ANKRD11: variants seen among roughly 807,000 people sequenced by gnomAD.
The protein encoded by ANKRD11 is ankyrin repeat domain-containing protein 11.
Under a neutral mutation model 195.7 loss-of-function variants are expected in ANKRD11, and 17 were observed. That is an observed-to-expected ratio of 0.09 (90% CI 0.06 to 0.13). The LOEUF (loss-of-function observed/expected upper bound fraction) is 0.13, where lower values mean the gene tolerates loss of function less well. Among genes scored for constraint, ANKRD11 ranks in the 10% least tolerant of loss-of-function variants. The probability of loss-of-function intolerance (pLI) is 1.00; values close to 1 mark genes in which losing one functional copy is unlikely to be tolerated. For missense variants in ANKRD11, 3,735 were observed against 3,566.1 expected (o/e 1.05, Z -1.21); for synonymous variants, 1,953 against 1,528.1 (o/e 1.28, Z -6.49).
chr16:89,434,413 G>A (rs931522265), intron 1 of ANKRD11, among the ~76,000 whole-genome samples: 2 of 152,150 alleles, frequency 1.3e-5, no homozygotes, highest in Non-Finnish European at 2.9e-5. Context: ...ACGCAAGTCG[G>A]AAAGACCTAG....
Position 89,346,205 on chromosome 16 carries a change from G to A in ANKRD11, c.-59-29127C>T, listed in dbSNP as rs149196373. Among the ~76,000 whole-genome samples, 460 of 140,786 alleles carry A rather than the reference G, an allele frequency of 3.3e-3. 1 individual carries two copies. The highest frequency in any genetic ancestry group is 0.012 in the African/African-American group (443 of 37,302). 92.4% of individuals were successfully genotyped at this position (140,786 alleles called of 152,430 possible). A position where few individuals can be genotyped will look rare whatever the true frequency, so the allele number is the denominator to read the frequency against. On this transcript the variant is annotated intron_variant, in intron 2 of 12. Coordinates refer to ENST00000301030, the MANE Select transcript of ANKRD11 (RefSeq NM_013275.6). The stretch of plus-strand genomic sequence containing the variant: ...TGAGGTTGTAATGAGCCAAGATCAC[G>A]CCACGGCACTCCAGCCTGGGCGACA...
In ANKRD11 at chr16:89,284,245, T is replaced by C. The variant is rs1250219932; in HGVS notation, c.2297A>G (p.Lys766Arg). The C allele has an allele frequency of 6.2e-7, 1 of 1,613,618 alleles. No individual in the cohort carries two copies. Among genetic ancestry groups the C allele is most frequent in the South Asian group, 1.1e-5 (1 of 90,800 alleles). ...EKLRLYKEERKKKSKDRPSKL... is the reference protein window; with the variant it reads ...EKLRLYKEERRKKSKDRPSKL... ...TGAGGGCCGGTCTTTTGATTTCTTCTTTCTCTCCTCTTTGTACAGTCTCAG... is the reference window on the plus strand; with the variant it reads ...TGAGGGCCGGTCTTTTGATTTCTTCCTTCTCTCCTCTTTGTACAGTCTCAG... Residue 766 changes from lysine (K) to arginine (R), a missense_variant, in exon 9 of 13, where the codon AAG becomes AGG. Transcript: ENST00000301030.
chr16:89,346,552 T>C (rs2038952475), intron 2 of ANKRD11, among the ~76,000 whole-genome samples: 1 of 152,222 alleles, frequency 6.6e-6, no homozygotes, highest in Non-Finnish European at 1.5e-5. Context: ...AGAGTCACCT[T>C]CTGAAGTGAC....
intron 2 of ANKRD11, among the ~76,000 whole-genome samples, chr16:89,394,487 G>A (rs1478164955): frequency 2.0e-5 from 3 of 152,160 alleles, no homozygotes; most frequent in Admixed American, 6.5e-5. Context: ...AATTAGCTGT[G>A]CGTGGTGGCA....
Position 89,285,220 on chromosome 16 carries a change from TCTC to T in ANKRD11, c.1319_1321del (p.Arg440_Glu441delinsGln), listed in dbSNP as rs1172752031. The T allele has an allele frequency of 1.2e-6, 2 of 1,613,674 alleles. No homozygotes were observed. The highest frequency in any genetic ancestry group is 2.7e-5 in the African/African-American group (2 of 74,912). On this transcript the variant is annotated inframe_deletion, in exon 9 of 13. Transcript: ENST00000301030. The surrounding 1 kb of genome is among the most constrained non-coding windows in gnomAD (Gnocchi z 5.6). ...CTTCTGCTGCTTGGCATTAGAAGGC[TCTC>T]GTGTCTTACTACCAGGCAATATCGT...
intron 2 of ANKRD11, among the ~76,000 whole-genome samples, chr16:89,387,943 G>A (rs1295291606): frequency 6.7e-6 from 1 of 150,374 alleles, no homozygotes; most frequent in East Asian, 2.0e-4. Flanking sequence ...AACCCAGGAG[G>A]CAGAGGCTGC....
In ANKRD11 at chr16:89,290,665, G is replaced by A. The variant is rs746127931; in HGVS notation, c.561C>T (p.Leu187=). ...IRGDARRIKE[L]ISEGADVNVK... ...CGTTGACGTCTGCCCCCTCGCTGATGAGCTCTTTGATGCGCCGGGCGTCCC... is the reference window on the plus strand; with the variant it reads ...CGTTGACGTCTGCCCCCTCGCTGATAAGCTCTTTGATGCGCCGGGCGTCCC... Residue 187 remains leucine, a synonymous_variant, in exon 6 of 13, where the codon CTC becomes CTT. Transcript: ENST00000301030. 8.1e-6 allele frequency: 13 copies of A among 1,613,704 alleles called. No homozygotes were observed. Among genetic ancestry groups the A allele is most frequent in the African/African-American group, 1.3e-5 (1 of 74,934 alleles).
intron 2 of ANKRD11, among the ~76,000 whole-genome samples, chr16:89,371,224 G>A (rs992147311): frequency 1.3e-5 from 2 of 152,096 alleles, no homozygotes; most frequent in African/African-American, 4.8e-5. Context: ...CAACACTTTC[G>A]CAAATACTCA....
intron 6 of ANKRD11, among the ~76,000 whole-genome samples, chr16:89,290,146 C>A (rs1168287039): frequency 6.6e-6 from 1 of 152,248 alleles, no homozygotes; most frequent in African/African-American, 2.4e-5. Context: ...GCTGTGAACA[C>A]CCCGAGCCCT....
intron 2 of ANKRD11, chr16:89,321,066 C>G (rs2037290017): frequency 6.6e-6 from 1 of 152,636 alleles, no homozygotes; most frequent in African/African-American, 2.4e-5. Flanking sequence ...CCAGCGAGCA[C>G]AGAGCCTTCG....
intron 2 of ANKRD11, among the ~76,000 whole-genome samples, chr16:89,383,706 A>C (rs1597225072): frequency 6.6e-6 from 1 of 152,296 alleles, no homozygotes; most frequent in Non-Finnish European, 1.5e-5. Flanking sequence ...CTGCCCTCGG[A>C]CCAGCAACGC....
chr16:89,454,624 G>C (rs561459194), intron 1 of ANKRD11, among the ~76,000 whole-genome samples: 121 of 151,016 alleles, frequency 8.0e-4, no homozygotes, highest in Middle Eastern at 3.5e-3. Context: ...GGTGCTTCCA[G>C]GGTTCCTCAA....
At chr16:89,475,395 C>G (rs757467843) in intron 1 of ANKRD11, among the ~76,000 whole-genome samples, 14 of 152,114 alleles carry the variant, frequency 9.2e-5, no homozygotes, top group Admixed American at 4.6e-4. Flanking sequence ...ATGAAAGCCC[C>G]GTAACCCACC....
chr16:89,393,625 A>T (rs1450174955), intron 2 of ANKRD11, among the ~76,000 whole-genome samples: 2 of 152,060 alleles, frequency 1.3e-5, no homozygotes, highest in East Asian at 3.9e-4. Flanking sequence ...TACAGGAGGA[A>T]GCCACTGCGC....
chr16:89,460,131 G>A (rs1260912204), intron 1 of ANKRD11, among the ~76,000 whole-genome samples: 1 of 149,606 alleles, frequency 6.7e-6, no homozygotes, highest in Admixed American at 6.7e-5. Flanking sequence ...CCAGCTACTC[G>A]GGAGGCTGAG....
At chr16:89,488,440 GC>G (rs145630401) in intron 1 of ANKRD11, among the ~76,000 whole-genome samples, 109 of 144,934 alleles carry the variant, frequency 7.5e-4, no homozygotes, top group South Asian at 4.9e-3. Context: ...CAAGACATCC[GC>G]CCCCCCCCCT....
intron 2 of ANKRD11, among the ~76,000 whole-genome samples, chr16:89,380,480 T>C (rs566876258): frequency 9.8e-5 from 15 of 152,310 alleles, no homozygotes; most frequent in African/African-American, 3.4e-4. Context: ...GATAGCTTCC[T>C]TGGGGCTACT....
chr16:89,334,144 T>TAAAAAAAAAAAAAAAAAAAAAAAAAA (rs869142504), intron 2 of ANKRD11, among the ~76,000 whole-genome samples: 4 of 41,416 alleles, frequency 9.7e-5, no homozygotes, highest in African/African-American at 3.8e-4. Flanking sequence ...CCCTGTGTTT[T>TAAAAAAAAAAAAAAAAAAAAAAAAAA]AAAAAAAAAA....
chr16:89,268,520 G>A lies in ANKRD11; in HGVS notation c.7950C>T (p.Pro2650=). ...CAAAGTCGTCGTTGACGTCGACCAT[G>A]GGCACGTAGAAGGAGGGCACCTCGT... ...CVNEVPSFYV[P]MVDVNDDFVL... The change falls in exon 13 of 13, where the codon CCC becomes CCT. Residue 2650 remains proline, a synonymous_variant. Coordinates refer to ENST00000301030, the MANE Select transcript of ANKRD11 (RefSeq NM_013275.6). 6 of 1,435,870 alleles carry A rather than the reference G, an allele frequency of 4.2e-6. No individual in the cohort carries two copies. Among genetic ancestry groups the A allele is most frequent in the South Asian group, 1.2e-5 (1 of 81,622 alleles). 88.9% of individuals were successfully genotyped at this position (1,435,870 alleles called of 1,614,324 possible). A position where few individuals can be genotyped will look rare whatever the true frequency, so the allele number is the denominator to read the frequency against.
Sources: allele counts gnomAD v4.1 joint callset (sites outside exome capture counted in the v4.1 genomes callset), GRCh38; gene constraint gnomAD v4.1.1; non-coding constraint Gnocchi (gnomAD v3.1); transcripts MANE v1.5; gene names NCBI Gene and HGNC (gene_info 2026-07-23, HGNC 2026-07-21).